NRK: variants seen among roughly 807,000 people sequenced by gnomAD.
NRK encodes the protein nik-related protein kinase.
Under a neutral mutation model 125.2 loss-of-function variants are expected in NRK, and 67 were observed. The ratio of observed to expected loss-of-function variants is 0.54; its 90% CI spans 0.44 to 0.66. The LOEUF (loss-of-function observed/expected upper bound fraction) is 0.66, where lower values mean the gene tolerates loss of function less well. Ranked by LOEUF, NRK falls within the 30% of genes least tolerant of loss-of-function variation. NRK has a pLI of 0.00. For missense variants in NRK, 1,224 were observed against 1,192.9 expected, an observed-to-expected ratio of 1.03 and a Z score of -0.38; for synonymous variants, 458 against 429.0, an observed-to-expected ratio of 1.07 and a Z score of -0.84.
intron 2 of NRK, among the ~76,000 whole-genome samples, chrX:105,834,968 T>C (rs762193496): frequency 8.9e-6 from 1 of 111,945 alleles, no homozygotes; most frequent in South Asian, 3.6e-4. Flanking sequence ...ATCATAGTTA[T>C]GTTAAATTCT....
intron 12 of NRK, 55 bp downstream of exon 12, chrX:105,908,358 T>G (rs2040246630): frequency 3.3e-6 from 2 of 601,365 alleles, no homozygotes; most frequent in African/African-American, 2.4e-5. Context: ...CATAAGGCCG[T>G]TGATTCCATA....
intron 15 of NRK, among the ~76,000 whole-genome samples, 196 bp from the exon 16 acceptor site, chrX:105,917,382 C>T (rs1020664221): frequency 7.2e-5 from 8 of 110,784 alleles, no homozygotes; most frequent in Admixed American, 3.9e-4. Context: ...TTTTGGAAAT[C>T]GTTACTCTAT....
intron 5 of NRK, among the ~76,000 whole-genome samples, chrX:105,892,091 G>A (rs1403681026): frequency 1.8e-5 from 2 of 111,691 alleles, no homozygotes; most frequent in African/African-American, 6.5e-5. Flanking sequence ...GTCAGGTGTT[G>A]TGCTAGATGC....
chrX:105,838,738 A>G (rs1374712579), intron 2 of NRK, among the ~76,000 whole-genome samples: 1 of 109,828 alleles, frequency 9.1e-6, no homozygotes, highest in African/African-American at 3.3e-5. Context: ...CTAAAAACAG[A>G]CCATGGCCAT....
intron 24 of NRK, 96 bp downstream of exon 24, chrX:105,944,137 A>T: frequency 4.3e-6 from 2 of 460,593 alleles, no homozygotes; most frequent in Non-Finnish European, 7.3e-6. Flanking sequence ...GCAGAAGTAT[A>T]TACCATTCTT....
chrX:105,881,696 T>C lies in NRK; in HGVS notation c.181-12T>C. The C allele has an allele frequency of 9.4e-7, 1 of 1,067,492 alleles. No individual in the cohort carries two copies. The highest frequency in any genetic ancestry group is 2.6e-5 in the Admixed American group (1 of 38,722). The allele number at this position is 1,067,492 out of a possible 1,213,427, so 88.0% of individuals were successfully genotyped here. A position where few individuals can be genotyped will look rare whatever the true frequency, so the allele number is the denominator to read the frequency against. On this transcript the variant is annotated splice_polypyrimidine_tract_variant and intron_variant, in intron 3 of 28. Coordinates refer to ENST00000243300, the MANE Select transcript of NRK (RefSeq NM_198465.4). ...ACCAGTACATCTAATAACATTTTAT[T>C]CTTGGTTACAGACCCCTTTACCTGA...
Position 105,957,780 on chromosome X carries a change from G to A in NRK, c.*2180G>A, listed in dbSNP as rs1006341208. The A allele has an allele frequency of 8.9e-6, 1 of 112,423 alleles. No individual in the cohort carries two copies. The highest frequency in any genetic ancestry group is 3.2e-5 in the African/African-American group (1 of 31,009). 9.3% of individuals were successfully genotyped at this position (112,423 alleles called of 1,213,427 possible). On this transcript the variant is annotated 3_prime_UTR_variant, in exon 29 of 29. Transcript: ENST00000243300. The stretch of plus-strand genomic sequence containing the variant: ...GTTAGGTAATCATTTAGAAAGGACA[G>A]AAAATATTTAAAGTGGCTCATAGGT...
intron 2 of NRK, among the ~76,000 whole-genome samples, chrX:105,878,163 T>C (rs955560474): frequency 1.8e-5 from 2 of 110,888 alleles, no homozygotes; most frequent in African/African-American, 6.5e-5. Context: ...TAGCAAGTGT[T>C]CGTGTGAATA....
rs139522375 is a variant in NRK, at chrX:105,862,276, C to G, written c.124-17923C>G. Among the ~76,000 whole-genome samples, 1,024 of 111,386 alleles carry G rather than the reference C, an allele frequency of 9.2e-3. 4 individuals carry two copies. Among genetic ancestry groups the G allele is most frequent in the Non-Finnish European group, 0.015 (816 of 53,038 alleles). On this transcript the variant is annotated intron_variant, in intron 2 of 28. Coordinates refer to ENST00000243300, the MANE Select transcript of NRK (RefSeq NM_198465.4). ...CTTTATCATAATAAATTAGTATTCT[C>G]TACTACAGCCTAACTTTAACTGTGA...
intron 15 of NRK, among the ~76,000 whole-genome samples, chrX:105,916,301 T>A (rs1470970089): frequency 9.0e-6 from 1 of 111,273 alleles, no homozygotes; most frequent in East Asian, 2.8e-4. Context: ...CTGTATTTTT[T>A]AATCTTTGTA....
intron 2 of NRK, 96 bp downstream of exon 2, chrX:105,831,215 C>T: frequency 1.8e-6 from 1 of 542,047 alleles, no homozygotes; most frequent in African/African-American, 2.3e-5. Flanking sequence ...CAAAATATGG[C>T]ATTTCACTTT....
At chrX:105,840,827 A>ATATG (rs2039322237) in intron 2 of NRK, among the ~76,000 whole-genome samples, 1 of 106,962 alleles carries the variant, frequency 9.3e-6, no homozygotes, top group Admixed American at 1.0e-4. Context: ...TTGCGTATAT[A>ATATG]TATGTATGTA....
chrX:105,924,918 C>T lies in NRK; in HGVS notation c.3199C>T (p.Arg1067Ter). The T allele has an allele frequency of 4.1e-6, 5 of 1,209,921 alleles. No homozygotes were observed. Among genetic ancestry groups the T allele is most frequent in the Non-Finnish European group, 5.6e-6 (5 of 894,151 alleles). The change falls in exon 19 of 29, where the codon CGA becomes TGA. Residue 1067 changes from arginine (R) to a stop codon, truncating the protein, a stop_gained. Transcript: ENST00000243300. LOFTEE classifies it high-confidence loss of function. ...GGGTGATGGAGGTAAGGGAGTCGTT[C>T]GAACCAGTGAAGAGAGTGGAGCCCT... is the stretch of plus-strand genomic sequence containing the variant. The part of the protein sequence containing the change: ...SEGDGGKGVV[R>*]TSEESGALGL...
chrX:105,869,754 C>G (rs1200108561), intron 2 of NRK, among the ~76,000 whole-genome samples: 1 of 109,220 alleles, frequency 9.2e-6, no homozygotes, highest in Non-Finnish European at 1.9e-5. Flanking sequence ...TGGTTGAACC[C>G]CTCTTCTCAG....
chrX:105,834,330 C>T (rs754815032), intron 2 of NRK, among the ~76,000 whole-genome samples: 2 of 111,484 alleles, frequency 1.8e-5, no homozygotes, highest in South Asian at 7.5e-4. Flanking sequence ...TGCATAGTTT[C>T]TGAAGTCTGC....
chrX:105,909,961 T>A, intron 13 of NRK, 79 bp downstream of exon 13: 1 of 781,041 alleles, frequency 1.3e-6, no homozygotes, highest in African/African-American at 2.1e-5. Context: ...TTTTTCTCAG[T>A]AAAACCAAAT....
chrX:105,846,889 T>A (rs1602603653), intron 2 of NRK, among the ~76,000 whole-genome samples: 2 of 112,475 alleles, frequency 1.8e-5, no homozygotes, highest in East Asian at 2.8e-4. Flanking sequence ...CTATTCTATA[T>A]GCTTTATAGG....
Position 105,935,274 on chromosome X carries a change from C to T in NRK, c.3604C>T (p.His1202Tyr). 1 of 1,200,950 alleles carries T rather than the reference C, an allele frequency of 8.3e-7. No individual in the cohort carries two copies. The highest frequency in any genetic ancestry group is 1.1e-6 in the Non-Finnish European group (1 of 886,602). The stretch of plus-strand genomic sequence containing the variant: ...TCCTGCATGTAAAAAACCACTAATC[C>T]ACATGTATGAAAAGGAGTTCACTTC... ...VSPACKKPLI[H>Y]MYEKEFTSEI... The change falls in exon 21 of 29, where the codon CAC becomes TAC. Residue 1202 changes from histidine to tyrosine, a missense_variant. His to Tyr is a moderately conservative substitution (Grantham distance 83, BLOSUM62 2). Transcript: ENST00000243300.
intron 16 of NRK, among the ~76,000 whole-genome samples, chrX:105,920,682 A>G (rs1375018279): frequency 2.7e-5 from 3 of 110,234 alleles, no homozygotes; most frequent in Non-Finnish European, 5.7e-5. Flanking sequence ...ACATGAACAG[A>G]CACTTCTCAA....
Sources: gnomAD v4.1 joint callset for allele counts (sites outside exome capture counted in the v4.1 genomes callset) on GRCh38, gnomAD v4.1.1 for gene constraint, MANE v1.5 for transcripts, NCBI Gene and HGNC (gene_info 2026-07-23, HGNC 2026-07-21) for gene names.